Variants in SP4 observed in about 807,000 individuals in gnomAD.
SP4 encodes transcription factor Sp4.
In SP4, 19 loss-of-function variants were observed where a neutral mutation model predicts 72.8. That is an observed-to-expected ratio of 0.26 (90% CI 0.18 to 0.38). The LOEUF is 0.38. Among genes scored for constraint, SP4 ranks in the 10% least tolerant of loss-of-function variants. SP4 has a pLI of 1.00. For synonymous variants in SP4, 395 were observed against 333.1 expected, an observed-to-expected ratio of 1.19 and a Z score of -2.02; for missense variants, 1,008 against 926.3, an observed-to-expected ratio of 1.09 and a Z score of -1.14.
At chr7:21,431,032 G>C (rs574377767) in intron 3 of SP4, among the ~76,000 whole-genome samples, 189 bp downstream of exon 3, 1 of 152,090 alleles carries the variant, frequency 6.6e-6, no homozygotes, top group Non-Finnish European at 1.5e-5. Flanking sequence ...CACTTTTGTA[G>C]ATTTTATAAT....
At chr7:21,484,728 A>C (rs888561209) in intron 5 of SP4, among the ~76,000 whole-genome samples, 2 of 151,860 alleles carry the variant, frequency 1.3e-5, no homozygotes, top group African/African-American at 4.8e-5. Flanking sequence ...GAAGCCAAGA[A>C]AATTTTCTAC....
At chr7:21,447,260 C>G (rs931527790) in intron 3 of SP4, among the ~76,000 whole-genome samples, 1 of 152,124 alleles carries the variant, frequency 6.6e-6, no homozygotes, top group Non-Finnish European at 1.5e-5. Flanking sequence ...ATATTACCTC[C>G]TAACCTTTCC....
At chr7:21,464,623 C>T (rs1784111740) in intron 3 of SP4, among the ~76,000 whole-genome samples, 1 of 149,220 alleles carries the variant, frequency 6.7e-6, no homozygotes, top group African/African-American at 2.5e-5. Flanking sequence ...CTGTGTTGCC[C>T]TGGCTAGACT....
intron 3 of SP4, among the ~76,000 whole-genome samples, chr7:21,442,038 AT>A (rs11300598): frequency 0.53 from 49,177 of 92,974 alleles, 10,433 homozygotes; most frequent in Middle Eastern, 0.65. Context: ...GTGTGTGTGT[AT>A]TTTTTTTTTT....
At chr7:21,484,206 A>G (rs1485883339) in intron 5 of SP4, among the ~76,000 whole-genome samples, 2 of 151,944 alleles carry the variant, frequency 1.3e-5, no homozygotes, top group African/African-American at 4.8e-5. Context: ...GCTTGGGACT[A>G]GAAATGTTCT....
intron 5 of SP4, among the ~76,000 whole-genome samples, chr7:21,489,623 G>GA (rs1784920467): frequency 7.5e-6 from 1 of 133,438 alleles, no homozygotes; most frequent in South Asian, 2.5e-4. Context: ...GCAGTGGCAT[G>GA]ATCTTGGCTC....
intron 5 of SP4, among the ~76,000 whole-genome samples, chr7:21,489,985 T>C (rs951439408): frequency 6.6e-6 from 1 of 152,242 alleles, no homozygotes. Context: ...TTAATTAGTA[T>C]GTGAAACATC....
intron 3 of SP4, among the ~76,000 whole-genome samples, chr7:21,472,645 A>G (rs1248168258): frequency 6.6e-6 from 1 of 151,972 alleles, no homozygotes; most frequent in Non-Finnish European, 1.5e-5. Flanking sequence ...CTGATTTTAA[A>G]AAATTGCTAA....
chr7:21,456,763 A>G (rs80048092), intron 3 of SP4, among the ~76,000 whole-genome samples: 2,092 of 152,334 alleles, frequency 0.014, 47 homozygotes, highest in East Asian at 0.083. Context: ...CTTTAGCCCT[A>G]CCATTCTCAC....
intron 3 of SP4, among the ~76,000 whole-genome samples, chr7:21,438,623 A>G (rs1583380087): frequency 1.3e-5 from 2 of 152,298 alleles, no homozygotes; most frequent in Admixed American, 6.5e-5. Context: ...TTATCTCGGT[A>G]TAGTAGTCTC....
chr7:21,470,769 A>G (rs1034549834), intron 3 of SP4, among the ~76,000 whole-genome samples: 6 of 146,230 alleles, frequency 4.1e-5, no homozygotes, highest in Non-Finnish European at 6.1e-5. Flanking sequence ...AAAAAAAAAA[A>G]GCAGAACAAA....
chr7:21,502,410 T>A (rs928046234), intron 5 of SP4, among the ~76,000 whole-genome samples: 1 of 152,044 alleles, frequency 6.6e-6, no homozygotes, highest in African/African-American at 2.4e-5. Context: ...CTGTAGAGAA[T>A]GAGGGGTTCT....
At chr7:21,500,870 T>C (rs1781845834) in intron 5 of SP4, among the ~76,000 whole-genome samples, 1 of 152,204 alleles carries the variant, frequency 6.6e-6, no homozygotes, top group Non-Finnish European at 1.5e-5. Context: ...CCTTTTACCA[T>C]GTTACTTAAT....
chr7:21,471,312 T>C (rs1043074634), intron 3 of SP4, among the ~76,000 whole-genome samples: 1 of 152,168 alleles, frequency 6.6e-6, no homozygotes, highest in Admixed American at 6.6e-5. Flanking sequence ...TGATAAGGGC[T>C]TGCACTAGTG....
chr7:21,489,669 C>T (rs55844648), intron 5 of SP4, among the ~76,000 whole-genome samples: 35,793 of 150,324 alleles, frequency 0.24, 4,400 homozygotes, highest in Middle Eastern at 0.44. Context: ...ATGCCATTCT[C>T]CTGCCTCAGC....
intron 3 of SP4, among the ~76,000 whole-genome samples, chr7:21,432,954 A>G (rs529209560): frequency 3.3e-4 from 51 of 152,280 alleles, no homozygotes; most frequent in African/African-American, 1.2e-3. Flanking sequence ...TGATTGCCTC[A>G]CTGCACTCCC....
At chr7:21,468,244 T>C (rs924387745) in intron 3 of SP4, among the ~76,000 whole-genome samples, 1 of 152,142 alleles carries the variant, frequency 6.6e-6, no homozygotes, top group Admixed American at 6.5e-5. Flanking sequence ...CTATTCTGCT[T>C]TTTCAGACTT....
At chr7:21,460,341 G>A (rs140868226) in intron 3 of SP4, among the ~76,000 whole-genome samples, 32 of 151,760 alleles carry the variant, frequency 2.1e-4, no homozygotes, top group African/African-American at 6.8e-4. Flanking sequence ...GCAGACCTTC[G>A]CGATGAGTGT....
At chr7:21,441,288 G>A (rs73058481) in intron 3 of SP4, among the ~76,000 whole-genome samples, 4,636 of 152,260 alleles carry the variant, frequency 0.03, 104 homozygotes, top group Non-Finnish European at 0.049. Context: ...GAGCTTGATG[G>A]GGACCAAAGA....
Sources: allele counts gnomAD v4.1 joint callset (sites outside exome capture counted in the v4.1 genomes callset), GRCh38; gene constraint gnomAD v4.1.1; transcripts MANE v1.5; gene names NCBI Gene and HGNC (gene_info 2026-07-23, HGNC 2026-07-21).